KDM2A: variants seen among roughly 807,000 people sequenced by gnomAD.
KDM2A encodes lysine demethylase 2A, also known as lysine-specific demethylase 2A.
In KDM2A, 3 loss-of-function variants were observed where a neutral mutation model predicts 137.3. That is an observed-to-expected ratio of 0.02 (90% CI 0.01 to 0.06). The LOEUF is 0.06. Among genes scored for constraint, KDM2A ranks in the 10% least tolerant of loss-of-function variants. KDM2A has a pLI of 1.00. For synonymous variants in KDM2A, 512 were observed against 541.5 expected (o/e 0.95, Z 0.76); for missense variants, 738 against 1,510.6 (o/e 0.49, Z 8.48).
At position 67,255,888 on chromosome 11, in the gene KDM2A, T is replaced by C; in HGVS notation, c.*833T>C. ...CTCTTTTGCCTCCCACTGACTGCCCTTTTCCATGTGTCTTCATTCTGCCTG... is the reference window on the plus strand; with the variant it reads ...CTCTTTTGCCTCCCACTGACTGCCCCTTTCCATGTGTCTTCATTCTGCCTG... On this transcript the variant is annotated 3_prime_UTR_variant, in exon 21 of 21. Coordinates refer to ENST00000529006, the MANE Select transcript of KDM2A (RefSeq NM_012308.3). The C allele has an allele frequency of 4.0e-6, 1 of 252,890 alleles. No individual in the cohort carries two copies. The highest frequency in any genetic ancestry group is 3.7e-5 in the South Asian group (1 of 27,076). The allele number at this position is 252,890 out of a possible 1,614,324, so 15.7% of individuals were successfully genotyped here.
At chr11:67,220,499 A>G (rs1446910071) in intron 10 of KDM2A, among the ~76,000 whole-genome samples, 1 of 152,186 alleles carries the variant, frequency 6.6e-6, no homozygotes. Flanking sequence ...AATTATATAA[A>G]TGTATATACT....
At position 67,250,217 on chromosome 11, in the gene KDM2A, G is replaced by A. The variant is rs368683805; in HGVS notation, c.2187G>A (p.Pro729=). The stretch of plus-strand genomic sequence containing the variant: ...CCATGCTGCAGCTCATCCATGACCC[G>A]GTTTCCCCCCGGGGTATGGTGACTC... ...PTSMLQLIHD[P]VSPRGMVTRS... is the part of the protein sequence containing the mutation. The change falls in exon 17 of 21, where the codon CCG becomes CCA. Residue 729 remains proline, a synonymous_variant. Coordinates refer to ENST00000529006, the MANE Select transcript of KDM2A (RefSeq NM_012308.3). This position sits in a 1 kb window ranked among gnomAD's most constrained non-coding sequence, Gnocchi z 7.1. The A allele has an allele frequency of 6.8e-6, 11 of 1,613,766 alleles. No individual in the cohort carries two copies. The highest frequency in any genetic ancestry group is 2.7e-5 in the African/African-American group (2 of 74,898).
At chr11:67,186,281 T>C (rs1857204786) in intron 5 of KDM2A, among the ~76,000 whole-genome samples, 1 of 152,102 alleles carries the variant, frequency 6.6e-6, no homozygotes, top group African/African-American at 2.4e-5. Context: ...CATAAAGGTA[T>C]CCTCAGTAAA....
At chr11:67,219,790 G>A (rs185592869) in intron 10 of KDM2A, 2 of 152,268 alleles carry the variant, frequency 1.3e-5, no homozygotes, top group African/African-American at 4.8e-5. Flanking sequence ...GGTTCAAGCA[G>A]TCCTCCCACC....
chr11:67,255,130 C>G lies in KDM2A; in HGVS notation c.*75C>G. On this transcript the variant is annotated 3_prime_UTR_variant, in exon 21 of 21. Transcript: ENST00000529006. The stretch of plus-strand genomic sequence containing the variant: ...CACCGAGGAGAGCCTCTCCTCGACC[C>G]TGCACGGGCTCTGAGGCCAGCGTCA... The G allele has an allele frequency of 1.5e-6, 2 of 1,347,460 alleles. No individual in the cohort carries two copies. The highest frequency in any genetic ancestry group is 2.0e-6 in the Non-Finnish European group (2 of 978,674). 83.5% of individuals were successfully genotyped at this position (1,347,460 alleles called of 1,614,324 possible). A position where few individuals can be genotyped will look rare whatever the true frequency, so the allele number is the denominator to read the frequency against.
chr11:67,124,988 G>C (rs1386498272), intron 2 of KDM2A, among the ~76,000 whole-genome samples: 3 of 151,040 alleles, frequency 2.0e-5, no homozygotes, highest in East Asian at 2.0e-4. Flanking sequence ...CTCCCGAGTA[G>C]CTAGGGCTAC....
At chr11:67,219,002 C>T (rs1020206306) in intron 9 of KDM2A, among the ~76,000 whole-genome samples, 1 of 152,220 alleles carries the variant, frequency 6.6e-6, no homozygotes, top group Non-Finnish European at 1.5e-5. Context: ...TGTAAACTAT[C>T]TTGTACAGAG....
chr11:67,241,895 T>A (rs1590820488), intron 12 of KDM2A, among the ~76,000 whole-genome samples: 1 of 151,776 alleles, frequency 6.6e-6, no homozygotes. Context: ...ATGGTGAAAC[T>A]CCGTCTCTAC....
intron 2 of KDM2A, among the ~76,000 whole-genome samples, chr11:67,127,091 A>G (rs1021043327): frequency 2.0e-5 from 3 of 151,978 alleles, no homozygotes; most frequent in Admixed American, 2.0e-4. Flanking sequence ...ACAATGATTT[A>G]TTTCTGTATT....
intron 11 of KDM2A, among the ~76,000 whole-genome samples, chr11:67,229,865 G>A (rs1425843924): frequency 2.0e-5 from 3 of 147,964 alleles, no homozygotes; most frequent in Admixed American, 6.8e-5. Flanking sequence ...GTGAGACTCC[G>A]TCTCAAAAAG....
intron 6 of KDM2A, among the ~76,000 whole-genome samples, chr11:67,208,464 G>C (rs1857879918): frequency 1.3e-5 from 2 of 151,718 alleles, no homozygotes; most frequent in Admixed American, 6.6e-5. Context: ...ATGTAACGGA[G>C]AGGAATATTA....
At chr11:67,228,419 C>T (rs1590807357) in intron 11 of KDM2A, among the ~76,000 whole-genome samples, 1 of 152,076 alleles carries the variant, frequency 6.6e-6, no homozygotes, top group Admixed American at 6.6e-5. Context: ...AAGCCGGACA[C>T]GCTGGTTCAC....
chr11:67,150,998 T>G (rs1445680338), intron 2 of KDM2A, among the ~76,000 whole-genome samples: 1 of 152,224 alleles, frequency 6.6e-6, no homozygotes, highest in East Asian at 1.9e-4. Context: ...AAACCCCCCT[T>G]GCATGCAGTA....
At chr11:67,143,571 T>G (rs1488333483) in intron 2 of KDM2A, among the ~76,000 whole-genome samples, 1 of 152,128 alleles carries the variant, frequency 6.6e-6, no homozygotes, top group Non-Finnish European at 1.5e-5. Flanking sequence ...TTTTTCTTAC[T>G]CAGTGGAATT....
intron 2 of KDM2A, among the ~76,000 whole-genome samples, chr11:67,149,464 C>G (rs1305872940): frequency 2.0e-5 from 3 of 151,982 alleles, no homozygotes; most frequent in Non-Finnish European, 4.4e-5. Context: ...CCTTTTAAAT[C>G]TGATTTTTTA....
chr11:67,131,735 G>C (rs978023812), intron 2 of KDM2A, among the ~76,000 whole-genome samples: 1 of 152,068 alleles, frequency 6.6e-6, no homozygotes, highest in Admixed American at 6.6e-5. Flanking sequence ...TCTTGCTAAC[G>C]TCTGTCTGCT....
At chr11:67,180,722 G>A (rs760209706) in intron 3 of KDM2A, among the ~76,000 whole-genome samples, 1 of 151,670 alleles carries the variant, frequency 6.6e-6, no homozygotes, top group Non-Finnish European at 1.5e-5. Context: ...GTGCGATCTC[G>A]GCTCACTGCA....
intron 5 of KDM2A, among the ~76,000 whole-genome samples, chr11:67,202,113 A>C (rs529349760): frequency 5.8e-4 from 88 of 152,282 alleles, no homozygotes; most frequent in Non-Finnish European, 1.1e-3. Context: ...AAATGTGGTG[A>C]AAATAGTGAG....
chr11:67,135,121 T>A (rs1855944263), intron 2 of KDM2A, among the ~76,000 whole-genome samples: 1 of 151,438 alleles, frequency 6.6e-6, no homozygotes, highest in Non-Finnish European at 1.5e-5. Context: ...CAGGCTGGAG[T>A]GCAATGGCGC....
Sources: gnomAD v4.1 joint callset for allele counts (sites outside exome capture counted in the v4.1 genomes callset) on GRCh38, gnomAD v4.1.1 for gene constraint, Gnocchi (gnomAD v3.1) non-coding constraint, MANE v1.5 for transcripts, NCBI Gene and HGNC (gene_info 2026-07-23, HGNC 2026-07-21) for gene names.